Variants in KHDRBS2 observed in about 807,000 individuals in gnomAD.
KHDRBS2 encodes the protein KH domain-containing, RNA-binding, signal transduction-associated protein 2.
In KHDRBS2, 26 loss-of-function variants were observed where a neutral mutation model predicts 44.3. That is an observed-to-expected ratio of 0.59 (90% CI 0.43 to 0.81). The LOEUF (loss-of-function observed/expected upper bound fraction) is 0.81, where lower values mean the gene tolerates loss of function less well. Among genes scored for constraint, KHDRBS2 ranks in the 40% least tolerant of loss-of-function variants. KHDRBS2 has a pLI of 0.00. For missense variants in KHDRBS2, 476 were observed against 433.1 expected, an observed-to-expected ratio of 1.10 and a Z score of -0.88; for synonymous variants, 194 against 151.1, an observed-to-expected ratio of 1.28 and a Z score of -2.08.
chr6:61,912,416 A>T lies in KHDRBS2; in HGVS notation c.484-11045T>A, dbSNP rs1274227813. Among the ~76,000 whole-genome samples, 8 of 152,274 alleles carry T rather than the reference A, an allele frequency of 5.3e-5. No individual in the cohort carries two copies. The South Asian group carries it at 1.4e-3, about 28-fold the overall frequency. ...ATAGGAAACATCTGTTGAATTGTTC[A>T]GCTGGGCTTCTTGTCCTCAATTAGC... On this transcript the variant is annotated intron_variant, in intron 4 of 8. Transcript: ENST00000281156.
intron 2 of KHDRBS2, among the ~76,000 whole-genome samples, chr6:62,064,823 C>G (rs1039443156): frequency 6.6e-6 from 1 of 151,390 alleles, no homozygotes; most frequent in African/African-American, 2.4e-5. Context: ...GCAAAAGAAA[C>G]TACCATCAGA....
chr6:61,833,149 A>C (rs1792104318), intron 6 of KHDRBS2, among the ~76,000 whole-genome samples: 1 of 152,196 alleles, frequency 6.6e-6, no homozygotes, highest in Admixed American at 6.5e-5. Flanking sequence ...TTAAAAGACA[A>C]AATGGTCAGG....
chr6:62,011,489 A>G (rs1780278683), intron 3 of KHDRBS2, among the ~76,000 whole-genome samples: 1 of 152,176 alleles, frequency 6.6e-6, no homozygotes, highest in South Asian at 2.1e-4. Flanking sequence ...ATTTGTGGAA[A>G]ATCATTTCAT....
chr6:62,220,054 A>AT (rs1395834740), intron 1 of KHDRBS2, among the ~76,000 whole-genome samples: 1 of 151,360 alleles, frequency 6.6e-6, no homozygotes, highest in Non-Finnish European at 1.5e-5. Context: ...TAGGGAAAAA[A>AT]GAAATTTCTA....
intron 4 of KHDRBS2, among the ~76,000 whole-genome samples, chr6:61,955,654 G>A (rs371898294): frequency 0.048 from 5,434 of 112,548 alleles, 650 homozygotes; most frequent in African/African-American, 0.15. Flanking sequence ...ATGTATGTAT[G>A]CATATATGTG....
chr6:61,905,047 T>C (rs1258641785), intron 4 of KHDRBS2, among the ~76,000 whole-genome samples: 3 of 152,154 alleles, frequency 2.0e-5, no homozygotes, highest in Admixed American at 2.0e-4. Flanking sequence ...TACTTTAAAG[T>C]GGTTAGAGAA....
intron 2 of KHDRBS2, among the ~76,000 whole-genome samples, chr6:62,109,078 C>G (rs566517980): frequency 6.8e-6 from 1 of 146,646 alleles, no homozygotes; most frequent in African/African-American, 2.5e-5. Context: ...GCACATGTAC[C>G]CTAAAACTTA....
At chr6:62,063,017 T>C (rs1792422140) in intron 2 of KHDRBS2, among the ~76,000 whole-genome samples, 4 of 150,808 alleles carry the variant, frequency 2.7e-5, no homozygotes, top group South Asian at 2.1e-4. Flanking sequence ...GCAAATAAAC[T>C]AGAAAATCTA....
intron 2 of KHDRBS2, among the ~76,000 whole-genome samples, chr6:62,171,025 A>G (rs1259459647): frequency 1.3e-5 from 2 of 152,078 alleles, no homozygotes; most frequent in African/African-American, 4.8e-5. Context: ...ACAGAGAGAA[A>G]GAACCAGTGT....
intron 4 of KHDRBS2, among the ~76,000 whole-genome samples, chr6:61,931,307 C>G (rs1809999108): frequency 6.6e-6 from 1 of 151,822 alleles, no homozygotes; most frequent in Non-Finnish European, 1.5e-5. Context: ...CTGAAACTTT[C>G]AGGTAACTAA....
chr6:61,965,042 G>T (rs1230195629), intron 4 of KHDRBS2, among the ~76,000 whole-genome samples: 1 of 152,096 alleles, frequency 6.6e-6, no homozygotes, highest in East Asian at 1.9e-4. Context: ...GCACTTGGGT[G>T]AATGTAAACG....
chr6:62,122,462 T>C (rs543363488), intron 2 of KHDRBS2, among the ~76,000 whole-genome samples: 5 of 152,290 alleles, frequency 3.3e-5, no homozygotes, highest in African/African-American at 1.2e-4. Flanking sequence ...CAGCATTCCA[T>C]TCCGTCATCA....
the KHDRBS2 span, among the ~76,000 whole-genome samples, chr6:61,579,122 G>GA: frequency 6.6e-6 from 1 of 152,092 alleles, no homozygotes; most frequent in Non-Finnish European, 1.5e-5. Context: ...GTAGTATAGA[G>GA]AACACATTAG....
rs1773086835 is a variant in KHDRBS2, at chr6:61,978,123, C to T, written c.426G>A (p.Gly142=). The T allele has an allele frequency of 1.9e-6, 3 of 1,611,792 alleles. No individual in the cohort carries two copies. The highest frequency in any genetic ancestry group is 2.5e-6 in the Non-Finnish European group (3 of 1,178,714). Residue 142 remains glycine, a synonymous_variant, in exon 4 of 9, where the codon GGG becomes GGA. Transcript: ENST00000281156. The part of the protein sequence containing the change: ...HVLIEVFAPP[G]EAYSRMSHAL... ...CATGACTCATACGTGAATAAGCTTC[C>T]CCAGGTGGAGCAAACACTTCAATTA...
chr6:62,157,690 T>A (rs1816765147), intron 2 of KHDRBS2, among the ~76,000 whole-genome samples: 1 of 152,210 alleles, frequency 6.6e-6, no homozygotes, highest in East Asian at 1.9e-4. Flanking sequence ...TAATATTATA[T>A]GTAGATTATT....
chr6:62,276,620 T>C (rs1840979584), intron 1 of KHDRBS2, among the ~76,000 whole-genome samples: 1 of 152,370 alleles, frequency 6.6e-6, no homozygotes, highest in South Asian at 2.1e-4. Flanking sequence ...TTCAATTCTA[T>C]ACTAAGGTAA....
chr6:62,250,554 G>C (rs1410387482), intron 1 of KHDRBS2, among the ~76,000 whole-genome samples: 1 of 152,044 alleles, frequency 6.6e-6, no homozygotes, highest in East Asian at 1.9e-4. Context: ...AGGAAGGCAG[G>C]AAGGCAGGAA....
chr6:62,062,791 A>G (rs988046323), intron 2 of KHDRBS2, among the ~76,000 whole-genome samples: 64 of 148,156 alleles, frequency 4.3e-4, no homozygotes, highest in Non-Finnish European at 8.1e-4. Flanking sequence ...AGCAGAACTG[A>G]AGGAAATAGA....
chr6:62,210,349 AGACGAAG>A, intron 1 of KHDRBS2, among the ~76,000 whole-genome samples: 1 of 144,736 alleles, frequency 6.9e-6, no homozygotes. Context: ...TTTTTTTTCA[AGACGAAG>A]TCTCGCTCTT....
Sources: allele counts gnomAD v4.1 joint callset (sites outside exome capture counted in the v4.1 genomes callset), GRCh38; gene constraint gnomAD v4.1.1; transcripts MANE v1.5; gene names NCBI Gene and HGNC (gene_info 2026-07-23, HGNC 2026-07-21).